The following NEBL variants were observed in gnomAD, a reference collection of about 807,000 sequenced individuals.
The protein encoded by NEBL is nebulette.
In NEBL, 122 loss-of-function variants were observed where a neutral mutation model predicts 140.2. That is an observed-to-expected ratio of 0.87 (90% confidence interval 0.75 to 1.01). NEBL has a LOEUF of 1.01. Among genes scored for constraint, NEBL ranks in the 50% least tolerant of loss-of-function variants. NEBL has a pLI of 0.00. For synonymous variants in NEBL, 436 were observed against 398.9 expected (o/e 1.09, Z -1.11); for missense variants, 1,365 against 1,231.3 (o/e 1.11, Z -1.62).
At chr10:21,028,263 G>T (rs1252615669) in intron 2 of NEBL, among the ~76,000 whole-genome samples, 1 of 139,248 alleles carries the variant, frequency 7.2e-6, no homozygotes, top group African/African-American at 2.6e-5. Flanking sequence ...AAAAGAAGAA[G>T]AAGAAGAAGA....
chr10:20,849,347 GA>G (rs998503892), intron 11 of NEBL, among the ~76,000 whole-genome samples: 4 of 151,938 alleles, frequency 2.6e-5, no homozygotes, highest in Admixed American at 6.6e-5. Context: ...ATTGTTTATT[GA>G]AAAAAAATCA....
chr10:20,969,376 G>A (rs1309275009), intron 3 of NEBL, among the ~76,000 whole-genome samples: 1 of 150,874 alleles, frequency 6.6e-6, no homozygotes, highest in African/African-American at 2.4e-5. Flanking sequence ...AACTTCCACT[G>A]CATTCCCAGA....
intron 2 of NEBL, among the ~76,000 whole-genome samples, chr10:21,169,070 ATATATATATATATATATAT>A (rs1840959031): frequency 2.3e-5 from 1 of 44,214 alleles, no homozygotes; most frequent in Non-Finnish European, 4.0e-5. Context: ...AAAAAAAAAT[ATATATATATATATATATAT>A]ATATATATAT....
chr10:21,184,658 T>C (rs2132209086), intron 3 of NEBL, among the ~76,000 whole-genome samples: 1 of 152,176 alleles, frequency 6.6e-6, no homozygotes, highest in East Asian at 1.9e-4. Context: ...AAAGCTCAAA[T>C]AAAACAAAAC....
At chr10:20,815,869 G>A (rs1838677462) in intron 21 of NEBL, 152 bp from the exon 22 acceptor site, 2 of 659,776 alleles carry the variant, frequency 3.0e-6, no homozygotes, top group South Asian at 1.7e-5. Flanking sequence ...CCCAGGCTCA[G>A]GCAATCCTCC....
intron 1 of NEBL, among the ~76,000 whole-genome samples, chr10:21,275,594 C>T (rs746554063): frequency 3.7e-4 from 56 of 149,928 alleles, no homozygotes; most frequent in Non-Finnish European, 6.6e-4. Flanking sequence ...GTCTTGTTTG[C>T]TTTTGTAAAA....
chr10:20,793,045 T>G (rs758568463), intron 26 of NEBL, among the ~76,000 whole-genome samples: 1 of 152,176 alleles, frequency 6.6e-6, no homozygotes, highest in Non-Finnish European at 1.5e-5. Flanking sequence ...CTGAAAGGAT[T>G]CTTAGCACTA....
At chr10:20,951,444 C>A (rs1322769895) in intron 4 of NEBL, among the ~76,000 whole-genome samples, 1 of 148,330 alleles carries the variant, frequency 6.7e-6, no homozygotes, top group African/African-American at 2.5e-5. Context: ...CAGGAAAATG[C>A]AAAGTAAATT....
In NEBL at chr10:21,127,563, G is replaced by GAA. The variant is rs199955302; in HGVS notation, c.164+44818_164+44819dup. Among the ~76,000 whole-genome samples the GAA allele has an allele frequency of 1.3e-4, 18 of 139,152 alleles. No individual in the cohort carries two copies. In the East Asian group the frequency reaches 1.9e-3, roughly 14 times the overall value. 91.3% of individuals were successfully genotyped at this position (139,152 alleles called of 152,430 possible). On this transcript the variant is annotated intron_variant, in intron 2 of 6. Transcript: ENST00000417816. The stretch of plus-strand genomic sequence containing the variant: ...ACCAACTATACAGCAATCTTGCCTA[G>GAA]AAAAAAAAAAAAGAAAATTTGAGCC...
At chr10:21,128,447 A>C (rs1478135433) in intron 2 of NEBL, among the ~76,000 whole-genome samples, 2 of 152,200 alleles carry the variant, frequency 1.3e-5, no homozygotes, top group African/African-American at 4.8e-5. Context: ...CACTTTACAC[A>C]TGTGATATGG....
intron 2 of NEBL, among the ~76,000 whole-genome samples, chr10:21,086,861 G>A (rs992367512): frequency 2.0e-5 from 3 of 152,180 alleles, no homozygotes; most frequent in Admixed American, 2.0e-4. Flanking sequence ...CCAGTTTGCT[G>A]AAGAGTTCAG....
At chr10:21,188,080 G>C (rs1841506347) in intron 3 of NEBL, among the ~76,000 whole-genome samples, 3 of 152,126 alleles carry the variant, frequency 2.0e-5, no homozygotes, top group Admixed American at 2.0e-4. Context: ...GAAGGTTTCT[G>C]TTTATGGGCT....
intron 1 of NEBL, among the ~76,000 whole-genome samples, chr10:21,284,929 T>G (rs573270937): frequency 6.6e-6 from 1 of 152,264 alleles, no homozygotes; most frequent in South Asian, 2.1e-4. Flanking sequence ...CAGGGCATGG[T>G]GGTTTGTGCC....
chr10:21,044,212 C>G (rs1414949098), intron 2 of NEBL, among the ~76,000 whole-genome samples: 1 of 151,862 alleles, frequency 6.6e-6, no homozygotes, highest in Non-Finnish European at 1.5e-5. Flanking sequence ...GCCTGGCCAA[C>G]ATGGTGAAAC....
chr10:20,914,243 G>A (rs1848443552), intron 4 of NEBL, among the ~76,000 whole-genome samples: 1 of 152,184 alleles, frequency 6.6e-6, no homozygotes. Flanking sequence ...GGGTAAATTC[G>A]GGTGGGTCGC....
chr10:21,236,412 A>G (rs1250341935), intron 3 of NEBL, among the ~76,000 whole-genome samples: 3 of 147,812 alleles, frequency 2.0e-5, no homozygotes, highest in African/African-American at 5.1e-5. Flanking sequence ...CAGTGGTGCA[A>G]TCTCAGCCCA....
At chr10:21,031,755 AC>A (rs1333395911) in intron 2 of NEBL, among the ~76,000 whole-genome samples, 11 of 152,240 alleles carry the variant, frequency 7.2e-5, no homozygotes, top group Non-Finnish European at 1.5e-4. Context: ...GTTGTAGAAG[AC>A]CTGAACCCCC....
intron 1 of NEBL, among the ~76,000 whole-genome samples, chr10:21,282,060 A>G (rs1411906871): frequency 6.6e-6 from 1 of 152,194 alleles, no homozygotes; most frequent in East Asian, 1.9e-4. Flanking sequence ...CTATAGATGC[A>G]AGTGTGGGAT....
chr10:20,942,438 T>G (rs1276041534), intron 4 of NEBL, among the ~76,000 whole-genome samples: 2 of 152,102 alleles, frequency 1.3e-5, no homozygotes, highest in Non-Finnish European at 2.9e-5. Flanking sequence ...AAAAATTAAT[T>G]CAAGATGGAT....
Sources: allele counts gnomAD v4.1 joint callset (sites outside exome capture counted in the v4.1 genomes callset), GRCh38; gene constraint gnomAD v4.1.1; transcripts MANE v1.5; gene names NCBI Gene and HGNC (gene_info 2026-07-23, HGNC 2026-07-21).